The following ZC3H12B variants were observed in gnomAD, a reference collection of about 807,000 sequenced individuals.
ZC3H12B encodes the protein zinc finger CCCH-type containing 12B, also known as probable ribonuclease ZC3H12B.
In ZC3H12B, 7 loss-of-function variants were observed where a neutral mutation model predicts 43.9. That is an observed-to-expected ratio of 0.16 (90% confidence interval 0.09 to 0.30). ZC3H12B has a LOEUF of 0.30. Among genes scored for constraint, ZC3H12B ranks in the 10% least tolerant of loss-of-function variants. The probability of loss-of-function intolerance (pLI) is 1.00; values close to 1 mark genes in which losing one functional copy is unlikely to be tolerated. For missense variants in ZC3H12B, 475 were observed against 670.2 expected (o/e 0.71, Z 3.22); for synonymous variants, 222 against 241.7 (o/e 0.92, Z 0.76).
At chrX:65,362,801 T>G (rs5964962), upstream of ZC3H12B, among the ~76,000 whole-genome samples, 26,404 of 110,363 alleles carry the variant, frequency 0.24, 7,692 homozygotes, top group African/African-American at 0.83. Flanking sequence ...CACTTTACCT[T>G]TCCAAAAACT....
intron 1 of ZC3H12B, among the ~76,000 whole-genome samples, chrX:65,490,138 T>C (rs920578299): frequency 1.8e-5 from 2 of 111,419 alleles, no homozygotes; most frequent in Admixed American, 9.6e-5. Context: ...TCTGAATACA[T>C]TATCTCATAT....
chrX:65,398,564 ACTCT>A (rs2066727998), intron 2 of ZC3H12B, 25 bp from the exon 5 acceptor site: 1 of 110,286 alleles, frequency 9.1e-6, no homozygotes, highest in Non-Finnish European at 1.9e-5. Context: ...TTACACCCTC[ACTCT>A]CTCTCCTGTC....
chrX:65,312,511 G>T, the ZC3H12B span, among the ~76,000 whole-genome samples: 4 of 91,287 alleles, frequency 4.4e-5, no homozygotes, highest in African/African-American at 8.3e-5. Context: ...TTTGGATAAA[G>T]GAGCCAAAAA....
chrX:65,417,533 AT>A lies in ZC3H12B; in HGVS notation n.407+18833del, dbSNP rs201100858. Reference sequence around the variant, plus strand: ...ATCTTAGGCTTCTCAGAGGCCTTCTATTTTGTCCTTCTGGATTTTAAGTGTA... The same window carrying A: ...ATCTTAGGCTTCTCAGAGGCCTTCTATTTGTCCTTCTGGATTTTAAGTGTA... On this transcript the variant is annotated intron_variant and non_coding_transcript_variant, in intron 3 of 5. Transcript: ENST00000617377. Among the ~76,000 whole-genome samples, 51 of 112,472 alleles carry A rather than the reference AT, an allele frequency of 4.5e-4. 1 individual carries two copies. The East Asian group carries it at 0.013, about 30-fold the overall frequency.
intron 4 of ZC3H12B, among the ~76,000 whole-genome samples, chrX:65,501,126 G>T (rs1476157709): frequency 9.0e-6 from 1 of 110,988 alleles, no homozygotes; most frequent in East Asian, 2.8e-4. Flanking sequence ...CTCCAAACCT[G>T]TGCTCTTTGC....
the ZC3H12B span, among the ~76,000 whole-genome samples, chrX:65,196,986 A>G: frequency 1.8e-5 from 2 of 112,333 alleles, no homozygotes; most frequent in South Asian, 7.4e-4. Context: ...AAAAGGCATT[A>G]GAAGCCAAAG....
the ZC3H12B span, among the ~76,000 whole-genome samples, chrX:65,137,565 C>T: frequency 8.9e-6 from 1 of 111,895 alleles, no homozygotes; most frequent in African/African-American, 3.2e-5. Context: ...AATTTTATAT[C>T]ACATCAGGAA....
At chrX:65,165,010 A>G in the ZC3H12B span, among the ~76,000 whole-genome samples, 1 of 112,175 alleles carries the variant, frequency 8.9e-6, no homozygotes, top group Admixed American at 9.5e-5. Flanking sequence ...ACTTAAAAGA[A>G]AAACTTAGAG....
chrX:65,196,243 A>C, the ZC3H12B span, among the ~76,000 whole-genome samples: 2 of 108,214 alleles, frequency 1.8e-5, no homozygotes, highest in Non-Finnish European at 3.8e-5. Context: ...CTCGTGAGGC[A>C]AGCTGGGAAG....
intron 3 of ZC3H12B, among the ~76,000 whole-genome samples, chrX:65,464,326 A>G (rs1216695018): frequency 2.7e-5 from 3 of 111,958 alleles, no homozygotes; most frequent in Admixed American, 9.5e-5. Flanking sequence ...TTAGATTTCA[A>G]GTCATTTCCT....
upstream of ZC3H12B, among the ~76,000 whole-genome samples, chrX:65,365,500 A>T (rs991860875): frequency 9.0e-6 from 1 of 110,956 alleles, no homozygotes; most frequent in African/African-American, 3.3e-5. Context: ...CCTTCAGTTT[A>T]ATATCTCCCA....
chrX:65,444,184 T>C (rs2067344187), intron 3 of ZC3H12B, among the ~76,000 whole-genome samples: 1 of 112,453 alleles, frequency 8.9e-6, no homozygotes, highest in African/African-American at 3.2e-5. Flanking sequence ...GTTTATTTAT[T>C]TGAGACTGCC....
chrX:65,389,823 T>C (rs1384666355), intron 2 of ZC3H12B, among the ~76,000 whole-genome samples: 1 of 112,526 alleles, frequency 8.9e-6, no homozygotes, highest in African/African-American at 3.2e-5. Flanking sequence ...TGTAATCTAG[T>C]TCAACCATTG....
In ZC3H12B at chrX:65,418,399, G is replaced by A. The variant is rs2066983898; in HGVS notation, n.407+19695G>A. Among the ~76,000 whole-genome samples, 3 of 111,674 alleles carry A rather than the reference G, an allele frequency of 2.7e-5. No homozygotes were observed. In the Admixed American group the frequency reaches 2.9e-4, roughly 11 times the overall value. On this transcript the variant is annotated intron_variant and non_coding_transcript_variant, in intron 3 of 5. Transcript: ENST00000617377. ...TTGTACTCCTATGCACTTTAAATGA[G>A]TATTCTTGAGCTCTGTCACTACTCT...
chrX:65,061,729 G>T, the ZC3H12B span, among the ~76,000 whole-genome samples: 1 of 112,149 alleles, frequency 8.9e-6, no homozygotes, highest in Non-Finnish European at 1.9e-5. Context: ...CTAGATCCCT[G>T]AGGAATCACC....
the ZC3H12B span, among the ~76,000 whole-genome samples, chrX:65,108,552 C>A: frequency 9.1e-6 from 1 of 109,291 alleles, no homozygotes; most frequent in Non-Finnish European, 1.9e-5. Flanking sequence ...GGGGCGATAA[C>A]ATGCATGAAG....
intron 3 of ZC3H12B, among the ~76,000 whole-genome samples, chrX:65,480,999 C>T (rs1354438517): frequency 2.7e-5 from 3 of 111,481 alleles, no homozygotes; most frequent in Middle Eastern, 4.2e-3. Context: ...TAGTAGAGTT[C>T]ACAATCTAGT....
intron 3 of ZC3H12B, among the ~76,000 whole-genome samples, chrX:65,481,350 C>T (rs2068061697): frequency 8.9e-6 from 1 of 111,877 alleles, no homozygotes; most frequent in African/African-American, 3.2e-5. Context: ...TCTCACCTAC[C>T]AGAATGTGAG....
the ZC3H12B span, among the ~76,000 whole-genome samples, chrX:65,181,644 T>C: frequency 1.8e-5 from 2 of 111,893 alleles, no homozygotes; most frequent in African/African-American, 6.5e-5. Context: ...AACAAACATA[T>C]GAAAAAAAGC....
Sources: gnomAD v4.1 joint callset for allele counts (sites outside exome capture counted in the v4.1 genomes callset) on GRCh38, gnomAD v4.1.1 for gene constraint, MANE v1.5 for transcripts, NCBI Gene and HGNC (gene_info 2026-07-23, HGNC 2026-07-21) for gene names.